TRAPPC9: variants seen among roughly 807,000 people sequenced by gnomAD.
TRAPPC9 encodes trafficking protein particle complex subunit 9.
Under a neutral mutation model 124.0 loss-of-function variants are expected in TRAPPC9, and 83 were observed. That is an observed-to-expected ratio of 0.67 (90% CI 0.56 to 0.80). The LOEUF (loss-of-function observed/expected upper bound fraction) is 0.80. TRAPPC9 is among the 30% of genes least tolerant of loss of function. The probability of loss-of-function intolerance (pLI) is 0.00; values close to 1 mark genes in which losing one functional copy is unlikely to be tolerated. For missense variants in TRAPPC9, 1,302 were observed against 1,508.3 expected (o/e 0.86, Z 2.27); for synonymous variants, 638 against 617.5 (o/e 1.03, Z -0.49).
At chr8:140,177,671 A>C (rs908910023) in intron 17 of TRAPPC9, among the ~76,000 whole-genome samples, 10 of 152,130 alleles carry the variant, frequency 6.6e-5, no homozygotes, top group Non-Finnish European at 1.5e-4. Context: ...ATTGAATATA[A>C]AGATCAATTT....
At chr8:140,173,537 G>C (rs1415296347) in intron 17 of TRAPPC9, among the ~76,000 whole-genome samples, 1 of 134,436 alleles carries the variant, frequency 7.4e-6, no homozygotes, top group Non-Finnish European at 1.5e-5. Flanking sequence ...CTGGGCGACA[G>C]AGCAAGACTC....
intron 7 of TRAPPC9, among the ~76,000 whole-genome samples, chr8:140,375,369 C>T (rs1439924714): frequency 1.3e-5 from 2 of 152,294 alleles, no homozygotes; most frequent in Non-Finnish European, 1.5e-5. Context: ...GCTTTATTCA[C>T]AAGGCAGACT....
chr8:140,204,512 T>C (rs1372167240), intron 17 of TRAPPC9, among the ~76,000 whole-genome samples: 1 of 150,548 alleles, frequency 6.6e-6, no homozygotes, highest in Admixed American at 6.6e-5. Flanking sequence ...TTAGGAGATA[T>C]ACCTAATGTA....
chr8:140,446,114 G>T (rs1427499542), intron 2 of TRAPPC9, among the ~76,000 whole-genome samples: 2 of 152,098 alleles, frequency 1.3e-5, no homozygotes, highest in Non-Finnish European at 2.9e-5. Context: ...CCAACATAGT[G>T]AAACCCTGTC....
intron 21 of TRAPPC9, among the ~76,000 whole-genome samples, chr8:139,863,466 G>C (rs927879646): frequency 1.3e-5 from 2 of 152,222 alleles, no homozygotes; most frequent in Non-Finnish European, 2.9e-5. Context: ...TCCTCTGCTG[G>C]GGATGCTGCC....
intron 21 of TRAPPC9, among the ~76,000 whole-genome samples, chr8:139,851,079 G>T (rs776219181): frequency 1.6e-4 from 25 of 152,224 alleles, no homozygotes; most frequent in African/African-American, 5.8e-4. Flanking sequence ...AGCAGCAGAT[G>T]ATGTCATGGG....
At chr8:140,358,297 C>G (rs1455761510) in intron 9 of TRAPPC9, among the ~76,000 whole-genome samples, 1 of 152,208 alleles carries the variant, frequency 6.6e-6, no homozygotes, top group East Asian at 1.9e-4. Flanking sequence ...AGCGCCACTC[C>G]TGGGTTCAAG....
At chr8:140,421,253 T>C (rs2070193434) in intron 5 of TRAPPC9, among the ~76,000 whole-genome samples, 4 of 152,086 alleles carry the variant, frequency 2.6e-5, no homozygotes, top group Non-Finnish European at 4.4e-5. Flanking sequence ...AACACACATA[T>C]ATATAAAGTC....
chr8:140,389,530 C>T (rs1021050636), intron 7 of TRAPPC9, among the ~76,000 whole-genome samples: 2 of 152,168 alleles, frequency 1.3e-5, no homozygotes, highest in African/African-American at 4.8e-5. Context: ...GACTCCACTT[C>T]ATGCATCCAA....
rs557510550 is a variant in TRAPPC9 at position 139,753,341 on chromosome 8, A to ACCAT, written c.3056-21143_3056-21140dup. Reference sequence around the variant, plus strand: ...CCACCATCCACCCATCCACCCATCTACCATCCATCCATCCATTCATCCATC... The same window carrying ACCAT: ...CCACCATCCACCCATCCACCCATCTACCATCCATCCATCCATCCATTCATCCATC... On this transcript the variant is annotated intron_variant, in intron 21 of 22. Transcript: ENST00000438773. Among the ~76,000 whole-genome samples, 402 of 149,004 alleles carry ACCAT rather than the reference A, an allele frequency of 2.7e-3. 10 individuals are homozygous for ACCAT. The highest frequency in any genetic ancestry group is 1.0e-3 in the Non-Finnish European group (67 of 67,100).
chr8:140,183,552 A>T (rs2062255697), intron 17 of TRAPPC9, among the ~76,000 whole-genome samples: 1 of 152,152 alleles, frequency 6.6e-6, no homozygotes, highest in Non-Finnish European at 1.5e-5. Flanking sequence ...GCTTCTGCCA[A>T]TTAGAAATGG....
intron 17 of TRAPPC9, among the ~76,000 whole-genome samples, chr8:140,208,138 G>A (rs1383436442): frequency 6.9e-6 from 1 of 144,126 alleles, no homozygotes; most frequent in Non-Finnish European, 1.5e-5. Flanking sequence ...CGACAAAAAT[G>A]AAACTCTGTC....
In TRAPPC9 at chr8:140,242,981, A is replaced by C. The variant is rs79786328; in HGVS notation, c.2431+9796T>G. ...GAAAGAGTAAGGAGTAGCCAGAGAG[A>C]AACCCATGGTTTAGAAGAGGATTTG... On this transcript the variant is annotated intron_variant, in intron 16 of 22. Coordinates refer to ENST00000438773, the MANE Select transcript of TRAPPC9 (RefSeq NM_001160372.4). 1.6e-3 allele frequency among the ~76,000 whole-genome samples: 245 copies of C among 152,254 alleles called. 5 individuals carry two copies. The East Asian group carries it at 0.044, about 27-fold the overall frequency.
intron 21 of TRAPPC9, among the ~76,000 whole-genome samples, chr8:139,831,924 C>A (rs561686815): frequency 6.6e-6 from 1 of 152,214 alleles, no homozygotes; most frequent in Non-Finnish European, 1.5e-5. Context: ...CTTGAGTAGC[C>A]CCATTGTCCT....
At chr8:139,950,722 G>T (rs1834584272) in intron 19 of TRAPPC9, among the ~76,000 whole-genome samples, 2 of 152,154 alleles carry the variant, frequency 1.3e-5, no homozygotes, top group Admixed American at 1.3e-4. Flanking sequence ...TCTTGATATA[G>T]TCCCAGAAAT....
chr8:140,269,793 A>G (rs1294842168), intron 15 of TRAPPC9, among the ~76,000 whole-genome samples: 1 of 152,170 alleles, frequency 6.6e-6, no homozygotes, highest in East Asian at 1.9e-4. Flanking sequence ...AGATGAAGTC[A>G]GAGACATAAG....
chr8:140,099,087 C>T (rs527588737), intron 17 of TRAPPC9: 1 of 151,548 alleles, frequency 6.6e-6, no homozygotes, highest in East Asian at 2.0e-4. Context: ...CGGGGTTCTC[C>T]GTCGCCACCG....
chr8:140,047,990 G>A (rs959448820), intron 17 of TRAPPC9, among the ~76,000 whole-genome samples: 29 of 152,382 alleles, frequency 1.9e-4, no homozygotes, highest in Non-Finnish European at 3.1e-4. Context: ...AAACAAGGAC[G>A]CATGTGCAGC....
At chr8:140,006,975 A>G (rs1373093094) in intron 18 of TRAPPC9, among the ~76,000 whole-genome samples, 1 of 152,206 alleles carries the variant, frequency 6.6e-6, no homozygotes, top group Non-Finnish European at 1.5e-5. Flanking sequence ...GACTTATGTG[A>G]CATGTAAATT....
Sources: gnomAD v4.1 joint callset for allele counts (sites outside exome capture counted in the v4.1 genomes callset) on GRCh38, gnomAD v4.1.1 for gene constraint, MANE v1.5 for transcripts, NCBI Gene and HGNC (gene_info 2026-07-23, HGNC 2026-07-21) for gene names.